CDH23: variants seen among roughly 807,000 people sequenced by gnomAD.
CDH23 encodes the protein cadherin-23.
Under a neutral mutation model 317.1 loss-of-function variants are expected in CDH23, and 189 were observed. The observed-to-expected ratio is 0.60, with a 90% CI of 0.53 to 0.67. CDH23 has a LOEUF of 0.67. Among genes scored for constraint, CDH23 ranks in the 30% least tolerant of loss-of-function variants. CDH23 has a pLI of 0.00. For missense variants in CDH23, 4,401 were observed against 4,592.4 expected, an observed-to-expected ratio of 0.96 and a Z score of 1.20; for synonymous variants, 1,839 against 1,876.8, an observed-to-expected ratio of 0.98 and a Z score of 0.52.
chr10:71,746,628 G>C (rs193040339), intron 38 of CDH23, among the ~76,000 whole-genome samples: 54 of 152,354 alleles, frequency 3.5e-4, no homozygotes, highest in African/African-American at 1.2e-3. Flanking sequence ...CTGGGCCCAG[G>C]GAGGAAGGGC....
rs199510686 is a variant in CDH23, at chr10:71,712,745, A to G, written c.3301A>G (p.Ile1101Val). Residue 1101 changes from isoleucine to valine, a missense_variant, in exon 28 of 70, where the codon ATC (isoleucine) becomes GTC (valine). This residue lies in a region of CDH23 where 3,068 missense variants were observed against 3,203.3 expected (regional missense o/e 0.96). Coordinates refer to ENST00000224721, the MANE Select transcript of CDH23 (RefSeq NM_022124.6). ...CCTGGATGTGAATGACAACCGGCCC[A>G]TCTTTCTGCAGAGCAGCTATGAGGC... Reference protein sequence around the residue: ...TVLDVNDNRPIFLQSSYEASV... With the variant: ...TVLDVNDNRPVFLQSSYEASV... 1.4e-4 allele frequency: 219 copies of G among 1,613,542 alleles called. No homozygotes were observed. Among genetic ancestry groups the G allele is most frequent in the Non-Finnish European group, 1.4e-4 (165 of 1,179,850 alleles).
At chr10:71,417,995 A>G (rs1255756983) in intron 1 of CDH23, among the ~76,000 whole-genome samples, 2 of 152,200 alleles carry the variant, frequency 1.3e-5, no homozygotes, top group Admixed American at 1.3e-4. Context: ...CCATCTATTA[A>G]GATCCTGATT....
Position 71,811,535 on chromosome 10 carries a change from C to G in CDH23, c.9223C>G (p.Leu3075Val). ...GATGGCGATCATCGTCCTGGCTATC[C>G]TCCTGTTCCTGGCCGCCATGCTCTT... ...LQMAIIVLAI[L>V]LFLAAMLFVL... Residue 3075 changes from leucine to valine, a missense_variant, in exon 64 of 70, where the codon CTC becomes GTC. Physicochemically the swap from Leu to Val is conservative, Grantham distance 32 (BLOSUM62 1). This residue lies in a region of CDH23 where 1,144 missense variants were observed against 1,138.2 expected (regional missense o/e 1.01). Coordinates refer to ENST00000224721, the MANE Select transcript of CDH23 (RefSeq NM_022124.6). 6.2e-7 allele frequency: 1 copy of G among 1,613,982 alleles called. No homozygotes were observed. The highest frequency in any genetic ancestry group is 8.5e-7 in the Non-Finnish European group (1 of 1,179,894).
chr10:71,458,718 G>A (rs1183908048), intron 3 of CDH23, among the ~76,000 whole-genome samples: 2 of 152,218 alleles, frequency 1.3e-5, no homozygotes, highest in Non-Finnish European at 2.9e-5. Flanking sequence ...TACTAATAGA[G>A]CTGCAGTGAG....
At chr10:71,625,142 C>G (rs1374864977) in intron 11 of CDH23, among the ~76,000 whole-genome samples, 1 of 151,874 alleles carries the variant, frequency 6.6e-6, no homozygotes, top group Non-Finnish European at 1.5e-5. Flanking sequence ...ATGAGACGCA[C>G]CCCCACTGGG....
chr10:71,658,099 G>A (rs1863493644), intron 14 of CDH23, among the ~76,000 whole-genome samples: 1 of 152,228 alleles, frequency 6.6e-6, no homozygotes, highest in Non-Finnish European at 1.5e-5. Flanking sequence ...GGTGGGAGCT[G>A]GAGGAGGCTG....
At chr10:71,601,989 G>A (rs1040088648) in intron 9 of CDH23, among the ~76,000 whole-genome samples, 4 of 152,012 alleles carry the variant, frequency 2.6e-5, no homozygotes, top group Non-Finnish European at 5.9e-5. Context: ...GCCCCCAGGG[G>A]ACCCCTCAAG....
At chr10:71,721,747 A>G (rs1350330993) in intron 28 of CDH23, among the ~76,000 whole-genome samples, 1 of 152,092 alleles carries the variant, frequency 6.6e-6, no homozygotes, top group Non-Finnish European at 1.5e-5. Flanking sequence ...CACCATGTCT[A>G]TACTCCCTGT....
Position 71,694,221 on chromosome 10 carries a change from G to T in CDH23, c.2251G>T (p.Gly751Trp). The T allele has an allele frequency of 6.2e-7, 1 of 1,613,388 alleles. No homozygotes were observed. Among genetic ancestry groups the T allele is most frequent in the Non-Finnish European group, 8.5e-7 (1 of 1,179,728 alleles). ...EYILIVRAVD[G>W]GVGHNQKTGI... ...CATCCTCATCGTTCGCGCAGTGGAC[G>T]GGGGTGTGGGCCACAACCAGAAAAC... The change falls in exon 21 of 70, where the codon GGG becomes TGG. Residue 751 changes from glycine (G) to tryptophan (W), a missense_variant. Around this residue, in one of 3 missense-constraint regions of CDH23, gnomAD observed 3,068 missense variants for 3,203.3 expected, o/e 0.96. Transcript: ENST00000224721.
intron 38 of CDH23, among the ~76,000 whole-genome samples, chr10:71,776,365 A>G (rs891304531): frequency 6.6e-6 from 1 of 152,122 alleles, no homozygotes; most frequent in Non-Finnish European, 1.5e-5. Flanking sequence ...ACCATATGCA[A>G]ATTGCCTACA....
intron 52 of CDH23, 122 bp downstream of exon 52, chr10:71,799,751 C>G (rs952478308): frequency 6.0e-5 from 82 of 1,359,666 alleles, no homozygotes; most frequent in Non-Finnish European, 7.7e-5. Flanking sequence ...TCTGCATCCC[C>G]AGAGGTTCTT....
chr10:71,698,064 G>A (rs146119813), intron 22 of CDH23, among the ~76,000 whole-genome samples: 1 of 152,318 alleles, frequency 6.6e-6, no homozygotes, highest in African/African-American at 2.4e-5. Context: ...GAAATTTAGT[G>A]TTTGTGAAAA....
intron 42 of CDH23, 50 bp downstream of exon 42, chr10:71,784,470 T>C: frequency 6.3e-7 from 1 of 1,584,758 alleles, no homozygotes; most frequent in Non-Finnish European, 8.6e-7. Context: ...CCCCTGTACT[T>C]GCCACAGAGA....
intron 3 of CDH23, among the ~76,000 whole-genome samples, chr10:71,450,223 C>T (rs1326717057): frequency 6.6e-6 from 1 of 150,860 alleles, no homozygotes; most frequent in East Asian, 1.9e-4. Flanking sequence ...GGGACAGGTG[C>T]TGCAGGGGTG....
At chr10:71,732,489 A>G in intron 32 of CDH23, 114 bp downstream of exon 32, 2 of 1,454,860 alleles carry the variant, frequency 1.4e-6, no homozygotes, top group Non-Finnish European at 1.8e-6. Flanking sequence ...TGAGATGGCC[A>G]AGTGTGGTGT....
chr10:71,621,527 C>T (rs1176111060), intron 11 of CDH23, among the ~76,000 whole-genome samples: 2 of 152,194 alleles, frequency 1.3e-5, no homozygotes, highest in Admixed American at 1.3e-4. Context: ...TGAGTTAATG[C>T]ATGGTTAAAT....
chr10:71,413,303 T>C (rs1848412638), intron 1 of CDH23, among the ~76,000 whole-genome samples: 1 of 152,266 alleles, frequency 6.6e-6, no homozygotes, highest in Admixed American at 6.5e-5. Flanking sequence ...TGACAGTTTA[T>C]TTCTAGGCTC....
At chr10:71,708,091 A>G (rs1221957394) in intron 26 of CDH23, among the ~76,000 whole-genome samples, 3 of 152,144 alleles carry the variant, frequency 2.0e-5, no homozygotes, top group Non-Finnish European at 2.9e-5. Context: ...TCCACTGCCC[A>G]CACTATTTAC....
At chr10:71,477,798 T>C (rs1851869663) in intron 3 of CDH23, among the ~76,000 whole-genome samples, 1 of 152,186 alleles carries the variant, frequency 6.6e-6, no homozygotes, top group African/African-American at 2.4e-5. Flanking sequence ...TCTTGCTGTT[T>C]CTACTTGTGA....
Sources: allele counts gnomAD v4.1 joint callset (sites outside exome capture counted in the v4.1 genomes callset), GRCh38; gene constraint gnomAD v4.1.1; regional missense constraint gnomAD v4.1.1; transcripts MANE v1.5; gene names NCBI Gene and HGNC (gene_info 2026-07-23, HGNC 2026-07-21).